Variants in CLRN2 observed in about 807,000 individuals in gnomAD.
The protein encoded by CLRN2 is clarin 2, also known as clarin-2.
A neutral mutation model predicts 20.1 loss-of-function variants in CLRN2; 17 were observed. The ratio of observed to expected loss-of-function variants is 0.85; its 90% CI spans 0.58 to 1.27. The LOEUF (loss-of-function observed/expected upper bound fraction) is 1.27, where lower values mean the gene tolerates loss of function less well. CLRN2 is among the 50% of genes most tolerant of loss of function. The probability of loss-of-function intolerance (pLI) is 0.00; values close to 1 mark genes in which losing one functional copy is unlikely to be tolerated. For synonymous variants in CLRN2, 140 were observed against 126.9 expected, an observed-to-expected ratio of 1.10 and a Z score of -0.70; for missense variants, 288 against 299.5, an observed-to-expected ratio of 0.96 and a Z score of 0.28.
intron 2 of CLRN2, 139 bp from the exon 3 acceptor site, chr4:17,526,678 T>C: frequency 1.0e-6 from 1 of 997,088 alleles, no homozygotes; most frequent in East Asian, 2.6e-5. Context: ...TCTCCTACTT[T>C]TAAAAGCAAA....
chr4:17,524,816 G>A (rs1441033017), intron 2 of CLRN2, among the ~76,000 whole-genome samples: 3 of 151,904 alleles, frequency 2.0e-5, no homozygotes, highest in African/African-American at 2.4e-5. Flanking sequence ...AGCTGCTTGA[G>A]AGCTATAATC....
intron 1 of CLRN2, among the ~76,000 whole-genome samples, chr4:17,518,397 T>C (rs954848312): frequency 3.5e-4 from 53 of 152,206 alleles, no homozygotes; most frequent in African/African-American, 1.2e-3. Flanking sequence ...AATTGTACTA[T>C]GGAGTATTTA....
intron 2 of CLRN2, among the ~76,000 whole-genome samples, chr4:17,524,231 TGTGTGCGC>T (rs1711910918): frequency 7.2e-6 from 1 of 138,606 alleles, no homozygotes; most frequent in East Asian, 2.0e-4. Flanking sequence ...TGTGTGTGTG[TGTGTGCGC>T]GCGCATGTTG....
At chr4:17,524,791 G>A (rs913797015) in intron 2 of CLRN2, among the ~76,000 whole-genome samples, 9 of 151,528 alleles carry the variant, frequency 5.9e-5, no homozygotes, top group East Asian at 3.9e-4. Flanking sequence ...CATGGTGTCC[G>A]GTGCCTGTAG....
At chr4:17,524,496 T>C (rs999558979) in intron 2 of CLRN2, among the ~76,000 whole-genome samples, 5 of 152,148 alleles carry the variant, frequency 3.3e-5, no homozygotes, top group Non-Finnish European at 7.4e-5. Context: ...TTATTATGTA[T>C]TTGCCTTTGT....
chr4:17,524,235 T>TGTGTGC (rs762042329), intron 2 of CLRN2, among the ~76,000 whole-genome samples: 72 of 140,060 alleles, frequency 5.1e-4, no homozygotes, highest in South Asian at 3.8e-3. Flanking sequence ...TGTGTGTGTG[T>TGTGTGC]GCGCGCGCAT....
In CLRN2 at chr4:17,522,981, T is replaced by A. The variant is rs201022806; in HGVS notation, c.371T>A (p.Ile124Asn). 145 of 1,613,802 alleles carry A rather than the reference T, an allele frequency of 9.0e-5. No individual in the cohort carries two copies. Among genetic ancestry groups the A allele is most frequent in the Non-Finnish European group, 1.1e-4 (133 of 1,179,896 alleles). ...ATGGGCTTTGCCATTCTTAACATGA[T>A]CCAGGTCCCGTACCGGGCAGTCAGC... The part of the protein sequence containing the change: ...VSMGFAILNM[I>N]QVPYRAVSGP... The change falls in exon 2 of 3, where the codon ATC becomes AAC. Residue 124 changes from isoleucine (I) to asparagine (N), a missense_variant. By Grantham distance (149) the Ile-to-Asn change is moderately radical. Transcript: ENST00000511148.
intron 1 of CLRN2, among the ~76,000 whole-genome samples, chr4:17,517,139 T>C (rs1337859743): frequency 6.6e-6 from 1 of 152,172 alleles, no homozygotes; most frequent in Non-Finnish European, 1.5e-5. Flanking sequence ...AGAGCAGACA[T>C]TGGTTTGTGA....
At position 17,523,054 on chromosome 4, in the gene CLRN2, C is replaced by T; in HGVS notation, c.433+11C>T. 6.3e-7 allele frequency: 1 copy of T among 1,598,212 alleles called. No individual in the cohort carries two copies. Among genetic ancestry groups the T allele is most frequent in the Non-Finnish European group, 8.5e-7 (1 of 1,169,934 alleles). On this transcript the variant is annotated intron_variant, in intron 2 of 2. Coordinates refer to ENST00000511148, the MANE Select transcript of CLRN2 (RefSeq NM_001079827.2). ...GGAATGTCCTGGCAGGTAAGAAGTC[C>T]CTTAGGGAGAGAAAATTATGTCCAC...
rs374637098 is a variant in CLRN2, at chr4:17,527,005, A to C, written c.622A>C (p.Ile208Leu). The part of the protein sequence containing the change: ...AHAANLVVVA[I>L]SQIPLPEIKT... ...TGCTGCAAACTTGGTCGTGGTGGCGATCAGTCAAATTCCCCTCCCTGAGAT... is the reference window on the plus strand; with the variant it reads ...TGCTGCAAACTTGGTCGTGGTGGCGCTCAGTCAAATTCCCCTCCCTGAGAT... Residue 208 changes from isoleucine to leucine, a missense_variant, in exon 3 of 3, where the codon ATC becomes CTC. Ile to Leu is a conservative substitution (Grantham distance 5). Coordinates refer to ENST00000511148, the MANE Select transcript of CLRN2 (RefSeq NM_001079827.2). The C allele has an allele frequency of 9.3e-6, 15 of 1,613,850 alleles. No homozygotes were observed. Among genetic ancestry groups the C allele is most frequent in the Non-Finnish European group, 1.2e-5 (14 of 1,179,892 alleles).
At position 17,524,235 on chromosome 4, in the gene CLRN2, T is replaced by TGTGTGTGTGC. The variant is rs762042329; in HGVS notation, c.433+1193_433+1194insTGTGTGTGCG. 9.6e-4 allele frequency among the ~76,000 whole-genome samples: 135 copies of TGTGTGTGTGC among 140,056 alleles called. No homozygotes were observed. The Middle Eastern group carries it at 0.011, about 12-fold the overall frequency. 91.9% of individuals were successfully genotyped at this position (140,056 alleles called of 152,430 possible). A position where few individuals can be genotyped will look rare whatever the true frequency, so the allele number is the denominator to read the frequency against. On this transcript the variant is annotated intron_variant, in intron 2 of 2. Coordinates refer to ENST00000511148, the MANE Select transcript of CLRN2 (RefSeq NM_001079827.2). ...GTGTGTGTGTGTGTGTGTGTGTGTG[T>TGTGTGTGTGC]GCGCGCGCATGTTGATTTGGGAGTA...
At chr4:17,517,257 T>G (rs1378762726) in intron 1 of CLRN2, among the ~76,000 whole-genome samples, 2 of 152,144 alleles carry the variant, frequency 1.3e-5, no homozygotes, top group African/African-American at 4.8e-5. Context: ...CTTTGGTAGG[T>G]CTGGATGTAG....
In CLRN2 at chr4:17,523,055, C is replaced by G. The variant is rs1229373401; in HGVS notation, c.433+12C>G. On this transcript the variant is annotated intron_variant, in intron 2 of 2. Coordinates refer to ENST00000511148, the MANE Select transcript of CLRN2 (RefSeq NM_001079827.2). ...GAATGTCCTGGCAGGTAAGAAGTCC[C>G]TTAGGGAGAGAAAATTATGTCCACA... 1 of 1,598,332 alleles carries G rather than the reference C, an allele frequency of 6.3e-7. No homozygotes were observed. Among genetic ancestry groups the G allele is most frequent in the Admixed American group, 1.7e-5 (1 of 59,158 alleles).
chr4:17,517,343 G>A (rs1711703591), intron 1 of CLRN2, among the ~76,000 whole-genome samples: 1 of 152,204 alleles, frequency 6.6e-6, no homozygotes, highest in Non-Finnish European at 1.5e-5. Context: ...ACACGAGGGA[G>A]AGGGGAGGCC....
intron 1 of CLRN2, 118 bp from the exon 2 acceptor site, chr4:17,522,746 C>A: frequency 9.9e-7 from 1 of 1,005,186 alleles, no homozygotes; most frequent in Non-Finnish European, 1.5e-6. Flanking sequence ...GAAATCCCCA[C>A]GCTTGCTGTC....
At chr4:17,526,749 C>A (rs1424764629) in intron 2 of CLRN2, 68 bp from the exon 3 acceptor site, 9 of 1,578,700 alleles carry the variant, frequency 5.7e-6, no homozygotes, top group Non-Finnish European at 8.7e-7. Flanking sequence ...ACACGTGGCA[C>A]AGAAATGCCA....
chr4:17,524,703 A>T (rs1244112725), intron 2 of CLRN2, among the ~76,000 whole-genome samples: 1 of 151,950 alleles, frequency 6.6e-6, no homozygotes, highest in Non-Finnish European at 1.5e-5. Context: ...TCTACTGATG[A>T]GAGTATTAGC....
chr4:17,525,785 G>A (rs1711959434), intron 2 of CLRN2, among the ~76,000 whole-genome samples: 1 of 152,170 alleles, frequency 6.6e-6, no homozygotes, highest in Admixed American at 6.5e-5. Context: ...TTTTCTTAAA[G>A]AGAAAGAAAC....
At position 17,515,166 on chromosome 4, in the gene CLRN2, G is replaced by A; in HGVS notation, c.-101G>A. 6.9e-7 allele frequency: 1 copy of A among 1,452,720 alleles called. No homozygotes were observed. Among genetic ancestry groups the A allele is most frequent in the Non-Finnish European group, 9.4e-7 (1 of 1,064,864 alleles). 90.0% of individuals were successfully genotyped at this position (1,452,720 alleles called of 1,614,324 possible). On this transcript the variant is annotated 5_prime_UTR_variant, in exon 1 of 3. Coordinates refer to ENST00000511148, the MANE Select transcript of CLRN2 (RefSeq NM_001079827.2). ...CCTACAACCTTGAAACAGAGTGTTT[G>A]GAAGAGCTGACCTTGGAGCAGAGCA...
Sources: allele counts gnomAD v4.1 joint callset (sites outside exome capture counted in the v4.1 genomes callset), GRCh38; gene constraint gnomAD v4.1.1; transcripts MANE v1.5; gene names NCBI Gene and HGNC (gene_info 2026-07-23, HGNC 2026-07-21).